TMEM232: variants seen among roughly 807,000 people sequenced by gnomAD.
TMEM232 encodes transmembrane protein 232.
A neutral mutation model predicts 78.8 loss-of-function variants in TMEM232; 80 were observed. The observed-to-expected ratio is 1.01, with a 90% CI of 0.85 to 1.22. TMEM232 has a LOEUF of 1.22. TMEM232 is among the 50% of genes most tolerant of loss of function. The pLI, the probability that TMEM232 is intolerant of heterozygous loss-of-function variation, is 0.00. For missense variants in TMEM232, 881 were observed against 742.2 expected (o/e 1.19, Z -2.17); for synonymous variants, 297 against 254.3 (o/e 1.17, Z -1.60).
intron 6 of TMEM232, 118 bp from the exon 7 acceptor site, chr5:110,625,551 GT>G (rs1223822004): frequency 2.2e-6 from 2 of 909,874 alleles, no homozygotes; most frequent in Non-Finnish European, 1.5e-6. Flanking sequence ...GAAACTGCTA[GT>G]TTCCTATTTA....
At position 110,486,519 on chromosome 5, in the gene TMEM232, T is replaced by C. The variant is rs551088860; in HGVS notation, c.1703+42069A>G. ...TAAGGTGAGAGATGAGGATCCAGTTTCATTCTCCTACATGTGGCTAAGCAA... is the reference window on the plus strand; with the variant it reads ...TAAGGTGAGAGATGAGGATCCAGTTCCATTCTCCTACATGTGGCTAAGCAA... On this transcript the variant is annotated intron_variant, in intron 12 of 13. Coordinates refer to ENST00000455884, the MANE Select transcript of TMEM232 (RefSeq NM_001039763.4). Among the ~76,000 whole-genome samples, 19 of 152,290 alleles carry C rather than the reference T, an allele frequency of 1.2e-4. No individual in the cohort carries two copies. In the East Asian group the frequency reaches 3.7e-3, roughly 29 times the overall value.
At chr5:110,575,591 A>T (rs1777484824) in intron 10 of TMEM232, among the ~76,000 whole-genome samples, 1 of 152,066 alleles carries the variant, frequency 6.6e-6, no homozygotes, top group African/African-American at 2.4e-5. Context: ...GAGTAAATAC[A>T]GCACCTTCAA....
chr5:110,440,041 G>A (rs1758858942), intron 12 of TMEM232, among the ~76,000 whole-genome samples: 2 of 152,148 alleles, frequency 1.3e-5, no homozygotes, highest in Admixed American at 1.3e-4. Context: ...TATGCAAATG[G>A]TTTCACAAAG....
intron 7 of TMEM232, among the ~76,000 whole-genome samples, chr5:110,623,569 G>C (rs1444921263): frequency 6.6e-6 from 1 of 151,996 alleles, no homozygotes; most frequent in Non-Finnish European, 1.5e-5. Flanking sequence ...AGAGAGATGG[G>C]TATTGAATGA....
chr5:110,610,647 C>A, intron 8 of TMEM232: 1 of 410,276 alleles, frequency 2.4e-6, no homozygotes, highest in Non-Finnish European at 4.7e-6. Flanking sequence ...CCTACTAAAT[C>A]ACAAAGATGT....
intron 1 of TMEM232, among the ~76,000 whole-genome samples, chr5:110,706,266 C>CT (rs781374402): frequency 6.6e-6 from 1 of 152,116 alleles, no homozygotes; most frequent in Non-Finnish European, 1.5e-5. Context: ...AAAAATTTAT[C>CT]TGATTATTCA....
intron 7 of TMEM232, among the ~76,000 whole-genome samples, chr5:110,622,560 A>G (rs1158598991): frequency 6.6e-6 from 1 of 152,052 alleles, no homozygotes; most frequent in African/African-American, 2.4e-5. Context: ...CATGGTGTAT[A>G]TGTGCCACAT....
chr5:110,610,701 A>G (rs1191485559), intron 8 of TMEM232: 5 of 356,242 alleles, frequency 1.4e-5, no homozygotes, highest in Non-Finnish European at 2.8e-5. Context: ...TAAAAACAAG[A>G]GGACTGACGA....
Position 110,692,066 on chromosome 5 carries a change from G to A in TMEM232, c.-12-24702C>T, listed in dbSNP as rs934537761. 1.1e-4 allele frequency among the ~76,000 whole-genome samples: 16 copies of A among 152,104 alleles called. 1 individual carries two copies. The highest frequency in any genetic ancestry group is 4.2e-4 in the South Asian group (2 of 4,808). On this transcript the variant is annotated intron_variant, in intron 1 of 13. Transcript: ENST00000455884. ...CTCCTGAGTAGCTGGGACTACAGGC[G>A]CCCGCCACCACGCTCGGCTAATTTT... is the stretch of plus-strand genomic sequence containing the variant.
At chr5:110,737,014 A>G (rs1206349984) in intron 1 of TMEM232, among the ~76,000 whole-genome samples, 2 of 152,020 alleles carry the variant, frequency 1.3e-5, no homozygotes, top group South Asian at 2.1e-4. Flanking sequence ...AAAAAAAAAA[A>G]AAAAAGCTTC....
At chr5:110,583,336 T>C (rs1269903662) in intron 10 of TMEM232, among the ~76,000 whole-genome samples, 2 of 151,696 alleles carry the variant, frequency 1.3e-5, no homozygotes, top group Non-Finnish European at 2.9e-5. Flanking sequence ...CAGAAATAAA[T>C]CCACACATAT....
chr5:110,457,409 A>T (rs540263437), intron 12 of TMEM232, among the ~76,000 whole-genome samples: 1 of 152,272 alleles, frequency 6.6e-6, no homozygotes, highest in South Asian at 2.1e-4. Flanking sequence ...TATGTTTATG[A>T]TGGGAAAGCA....
At chr5:110,627,951 C>A in intron 5 of TMEM232, 71 bp from the exon 6 acceptor site, 1 of 1,030,300 alleles carries the variant, frequency 9.7e-7, no homozygotes, top group South Asian at 1.6e-5. Context: ...TAAGAAAAAT[C>A]AACCATTATA....
Position 110,610,495 on chromosome 5 carries a change from T to C in TMEM232, c.903-4208A>G. ...ACACATATGAACTATGAGTAGTCAA[T>C]ACAAGACCTTGAAAAAATGTAGACC... On this transcript the variant is annotated intron_variant, in intron 8 of 13. Transcript: ENST00000455884. The C allele has an allele frequency of 4.4e-6, 2 of 455,286 alleles. 1 individual carries two copies. The highest frequency in any genetic ancestry group is 3.1e-5 in the South Asian group (2 of 64,256). 28.2% of individuals were successfully genotyped at this position (455,286 alleles called of 1,614,324 possible). A position where few individuals can be genotyped will look rare whatever the true frequency, so the allele number is the denominator to read the frequency against.
At chr5:110,485,106 C>T (rs1417811036) in intron 12 of TMEM232, among the ~76,000 whole-genome samples, 1 of 152,078 alleles carries the variant, frequency 6.6e-6, no homozygotes, top group East Asian at 1.9e-4. Context: ...CTAGAACTAC[C>T]ATTTGATCCA....
In TMEM232 at chr5:110,646,037, A is replaced by G. The variant is rs187884925; in HGVS notation, c.126-3666T>C. Among the ~76,000 whole-genome samples the G allele has an allele frequency of 2.0e-5, 3 of 151,802 alleles. No homozygotes were observed. In the East Asian group the frequency reaches 5.8e-4, roughly 29 times the overall value. Reference sequence around the variant, plus strand: ...GAAAGACCTGTACACTGAAAATTATAAAACATTTATAAAGGAATTTACAGA... The same window carrying G: ...GAAAGACCTGTACACTGAAAATTATGAAACATTTATAAAGGAATTTACAGA... On this transcript the variant is annotated intron_variant, in intron 2 of 13. Coordinates refer to ENST00000455884, the MANE Select transcript of TMEM232 (RefSeq NM_001039763.4).
At chr5:110,427,361 A>C (rs143790674) in intron 12 of TMEM232, among the ~76,000 whole-genome samples, 1 of 152,120 alleles carries the variant, frequency 6.6e-6, no homozygotes, top group East Asian at 1.9e-4. Flanking sequence ...TCTTTATCAT[A>C]TTCATTGTCA....
rs1362204939 is a variant in TMEM232, at chr5:110,587,689, ATATGTGTGTGTGTG to A, written c.1276+17406_1276+17419del. ...TATATATATATATATATATATATAT[ATATGTGTGTGTGTG>A]TGTGTGTGTGTGTGTGTGTGTGTGT... On this transcript the variant is annotated intron_variant, in intron 10 of 13. Coordinates refer to ENST00000455884, the MANE Select transcript of TMEM232 (RefSeq NM_001039763.4). Among the ~76,000 whole-genome samples the A allele has an allele frequency of 4.4e-3, 233 of 53,216 alleles. 1 individual carries two copies. Among genetic ancestry groups the A allele is most frequent in the African/African-American group, 0.018 (205 of 11,500 alleles). The allele number at this position is 53,216 out of a possible 152,430, so 34.9% of individuals were successfully genotyped here. A position where few individuals can be genotyped will look rare whatever the true frequency, so the allele number is the denominator to read the frequency against.
At chr5:110,718,254 A>AT (rs1337468239) in intron 1 of TMEM232, among the ~76,000 whole-genome samples, 2 of 152,134 alleles carry the variant, frequency 1.3e-5, no homozygotes, top group African/African-American at 4.8e-5. Context: ...AAAAATCTGA[A>AT]TTCCAAAAGT....
Sources: allele counts gnomAD v4.1 joint callset (sites outside exome capture counted in the v4.1 genomes callset), GRCh38; gene constraint gnomAD v4.1.1; transcripts MANE v1.5; gene names NCBI Gene and HGNC (gene_info 2026-07-23, HGNC 2026-07-21).